The following GADL1 variants were observed in gnomAD, a reference collection of about 807,000 sequenced individuals.
GADL1 encodes the protein GAD like acidic amino acid decarboxylase 1.
A neutral mutation model predicts 69.5 loss-of-function variants in GADL1; 71 were observed. The observed-to-expected ratio is 1.02, with a 90% CI of 0.84 to 1.25. The LOEUF is 1.25. Ranked by LOEUF, GADL1 falls within the 50% of genes most tolerant of loss-of-function variation. The pLI is 0.00. For missense variants in GADL1, 737 were observed against 631.8 expected, an observed-to-expected ratio of 1.17 and a Z score of -1.79; for synonymous variants, 254 against 214.4, an observed-to-expected ratio of 1.18 and a Z score of -1.62.
In GADL1 at chr3:30,782,275, G is replaced by A. The variant is rs1042158876; in HGVS notation, c.1303-4007C>T. Among the ~76,000 whole-genome samples, 7 of 152,102 alleles carry A rather than the reference G, an allele frequency of 4.6e-5. No homozygotes were observed. The South Asian group carries it at 6.2e-4, about 14-fold the overall frequency. On this transcript the variant is annotated intron_variant, in intron 13 of 14. Coordinates refer to ENST00000282538, the MANE Select transcript of GADL1 (RefSeq NM_207359.3). The stretch of plus-strand genomic sequence containing the variant: ...AGCAGTGTGGCAGTTAGGCTGGAGG[G>A]ATCTAAGACTGGAAGTGGGACACAA...
chr3:30,856,574 C>T (rs373497918), intron 3 of GADL1, among the ~76,000 whole-genome samples: 11 of 152,180 alleles, frequency 7.2e-5, no homozygotes, highest in African/African-American at 2.4e-4. Flanking sequence ...TAATCAGTGT[C>T]TTCCAAATAA....
At chr3:30,854,848 C>G in intron 3 of GADL1, 59 bp from the exon 4 acceptor site, 3 of 797,656 alleles carry the variant, frequency 3.8e-6, no homozygotes, top group South Asian at 1.6e-5. Context: ...ACTACTGATA[C>G]AGCATTAACA....
At chr3:30,853,602 A>G (rs73823934) in intron 4 of GADL1, among the ~76,000 whole-genome samples, 5,147 of 152,212 alleles carry the variant, frequency 0.034, 292 homozygotes, top group African/African-American at 0.12. Context: ...CCTTCACCAT[A>G]TACTTGAAAA....
At position 30,786,341 on chromosome 3, in the gene GADL1, A is replaced by T; in HGVS notation, c.1302+14T>A. 2.0e-6 allele frequency: 3 copies of T among 1,515,320 alleles called. No homozygotes were observed. Among genetic ancestry groups the T allele is most frequent in the Non-Finnish European group, 2.7e-6 (3 of 1,091,312 alleles). The allele number at this position is 1,515,320 out of a possible 1,614,324, so 93.9% of individuals were successfully genotyped here. A position where few individuals can be genotyped will look rare whatever the true frequency, so the allele number is the denominator to read the frequency against. On this transcript the variant is annotated intron_variant, in intron 13 of 14. Transcript: ENST00000282538. ...AACTGACAAAATCACAAGCACAATT[A>T]TGCAATCACTTACTTCCATCAGTAA...
At chr3:30,751,340 C>T (rs779732396) in intron 14 of GADL1, among the ~76,000 whole-genome samples, 4 of 151,978 alleles carry the variant, frequency 2.6e-5, no homozygotes, top group African/African-American at 4.8e-5. Flanking sequence ...GACTCTTGAG[C>T]CGCTTGCTGG....
intron 11 of GADL1, among the ~76,000 whole-genome samples, chr3:30,819,799 G>T (rs1280399263): frequency 5.9e-5 from 9 of 151,740 alleles, no homozygotes; most frequent in Non-Finnish European, 1.2e-4. Flanking sequence ...TAAAAATAAG[G>T]ACATGGCATA....
chr3:30,815,436 G>A (rs1393987109), intron 11 of GADL1, among the ~76,000 whole-genome samples: 7 of 152,168 alleles, frequency 4.6e-5, no homozygotes, highest in Admixed American at 1.3e-4. Flanking sequence ...CAAGAAAACC[G>A]TTGTCTGACA....
chr3:30,731,247 A>G (rs1695452676), intron 14 of GADL1, among the ~76,000 whole-genome samples: 1 of 152,224 alleles, frequency 6.6e-6, no homozygotes, highest in Non-Finnish European at 1.5e-5. Flanking sequence ...CCAGGTACCC[A>G]GGGTATAACT....
At chr3:30,887,507 G>A (rs1167896948) in intron 1 of GADL1, among the ~76,000 whole-genome samples, 1 of 152,112 alleles carries the variant, frequency 6.6e-6, no homozygotes, top group African/African-American at 2.4e-5. Context: ...ACCACCTTGG[G>A]ATACTGAAAA....
intron 12 of GADL1, among the ~76,000 whole-genome samples, chr3:30,795,963 A>C (rs763088640): frequency 2.0e-5 from 3 of 152,236 alleles, no homozygotes; most frequent in Non-Finnish European, 4.4e-5. Context: ...TGTTAATTCA[A>C]TTCAACTTGA....
At chr3:30,775,454 ATG>A (rs1438823050) in intron 14 of GADL1, among the ~76,000 whole-genome samples, 2 of 152,178 alleles carry the variant, frequency 1.3e-5, no homozygotes, top group South Asian at 2.1e-4. Context: ...CTCATAAACT[ATG>A]TGATATATAA....
At chr3:30,877,226 C>T (rs1291351741) in intron 1 of GADL1, among the ~76,000 whole-genome samples, 1 of 151,850 alleles carries the variant, frequency 6.6e-6, no homozygotes, top group Non-Finnish European at 1.5e-5. Flanking sequence ...ATTGTAACAT[C>T]TCTTCTCTTT....
At chr3:30,883,026 T>C (rs534434721) in intron 1 of GADL1, among the ~76,000 whole-genome samples, 1 of 152,118 alleles carries the variant, frequency 6.6e-6, no homozygotes, top group Non-Finnish European at 1.5e-5. Flanking sequence ...TATAATTGTT[T>C]TGAGTTCTAG....
At chr3:30,788,529 G>C (rs890699959) in intron 12 of GADL1, among the ~76,000 whole-genome samples, 1 of 152,138 alleles carries the variant, frequency 6.6e-6, no homozygotes, top group Non-Finnish European at 1.5e-5. Flanking sequence ...CTGAAGGTCG[G>C]GGTGGCTGGG....
chr3:30,830,265 A>G (rs1697766146), intron 11 of GADL1, among the ~76,000 whole-genome samples: 1 of 151,900 alleles, frequency 6.6e-6, no homozygotes, highest in Non-Finnish European at 1.5e-5. Flanking sequence ...CCCCCCTGCC[A>G]GCTTATGACC....
rs62636628 is a variant in GADL1 at position 30,728,327 on chromosome 3, C to A, written c.1481G>T (p.Arg494Leu). ...CACTTGAGGGCTGATCACCACCTGG[C>A]GGAAGAAGTTGACCTTTCCCCGGTG... ...QPHRGKVNFF[R>L]QVVISPQVSR... is the part of the protein sequence containing the mutation. Residue 494 changes from arginine (R) to leucine (L), a missense_variant, in exon 15 of 15, where the codon CGC becomes CTC. Coordinates refer to ENST00000282538, the MANE Select transcript of GADL1 (RefSeq NM_207359.3). 1.1e-5 allele frequency: 17 copies of A among 1,613,792 alleles called. No individual in the cohort carries two copies. In the South Asian group the frequency reaches 1.5e-4, roughly 15 times the overall value.
At chr3:30,865,562 A>C (rs1381391652) in intron 1 of GADL1, among the ~76,000 whole-genome samples, 1 of 151,908 alleles carries the variant, frequency 6.6e-6, no homozygotes, top group African/African-American at 2.4e-5. Context: ...CAGCAAGGAG[A>C]CTGGACCTGA....
At chr3:30,816,455 C>A (rs1245589183) in intron 11 of GADL1, among the ~76,000 whole-genome samples, 4 of 151,566 alleles carry the variant, frequency 2.6e-5, no homozygotes, top group Non-Finnish European at 5.9e-5. Context: ...GTTCCCTAGC[C>A]CCAGACACCT....
At chr3:30,842,821 T>TAAAAAAAAAA (rs1559358436) in intron 8 of GADL1, among the ~76,000 whole-genome samples, 10 of 66,464 alleles carry the variant, frequency 1.5e-4, no homozygotes, top group African/African-American at 7.0e-4. Flanking sequence ...ATTGGAATGT[T>TAAAAAAAAAA]TAAAAAAAAA....
Sources: gnomAD v4.1 joint callset for allele counts (sites outside exome capture counted in the v4.1 genomes callset) on GRCh38, gnomAD v4.1.1 for gene constraint, MANE v1.5 for transcripts, NCBI Gene and HGNC (gene_info 2026-07-23, HGNC 2026-07-21) for gene names.